Variants in PDE8B observed in about 807,000 individuals in gnomAD.
PDE8B encodes the protein high affinity cAMP-specific and IBMX-insensitive 3',5'-cyclic phosphodiesterase 8B.
A neutral mutation model predicts 101.3 loss-of-function variants in PDE8B; 26 were observed. The observed-to-expected ratio is 0.26, with a 90% CI of 0.19 to 0.36. PDE8B has a LOEUF of 0.36. Among genes scored for constraint, PDE8B ranks in the 10% least tolerant of loss-of-function variants. The probability of loss-of-function intolerance (pLI) is 1.00; values close to 1 mark genes in which losing one functional copy is unlikely to be tolerated. For synonymous variants in PDE8B, 424 were observed against 429.3 expected, an observed-to-expected ratio of 0.99 and a Z score of 0.15; for missense variants, 810 against 1,163.1, an observed-to-expected ratio of 0.70 and a Z score of 4.42.
intron 1 of PDE8B, among the ~76,000 whole-genome samples, chr5:77,220,449 G>C (rs1750861535): frequency 6.6e-6 from 1 of 152,184 alleles, no homozygotes; most frequent in African/African-American, 2.4e-5. Context: ...TCAAAGGTGA[G>C]AACTTTGAAT....
chr5:77,132,905 T>G, the PDE8B span, among the ~76,000 whole-genome samples: 2 of 152,242 alleles, frequency 1.3e-5, no homozygotes, highest in African/African-American at 4.8e-5. Context: ...TAGACGGATA[T>G]GGAATTCTAG....
At chr5:77,109,410 C>A in the PDE8B span, among the ~76,000 whole-genome samples, 7 of 152,166 alleles carry the variant, frequency 4.6e-5, no homozygotes, top group Non-Finnish European at 1.0e-4. Context: ...TAAAAATGTT[C>A]TAAAGTAAAA....
At chr5:77,356,137 A>G (rs1206383395) in intron 10 of PDE8B, among the ~76,000 whole-genome samples, 1 of 151,930 alleles carries the variant, frequency 6.6e-6, no homozygotes, top group Non-Finnish European at 1.5e-5. Context: ...GTCTGCCCTG[A>G]CCTCCCAGAA....
At chr5:77,140,299 C>T in the PDE8B span, 1 of 151,844 alleles carries the variant, frequency 6.6e-6, no homozygotes, top group Non-Finnish European at 1.5e-5. Context: ...TTGTTTTTGC[C>T]AACACTGTAG....
intron 6 of PDE8B, among the ~76,000 whole-genome samples, chr5:77,342,145 A>G (rs1005917822): frequency 6.6e-6 from 1 of 152,130 alleles, no homozygotes; most frequent in African/African-American, 2.4e-5. Flanking sequence ...GTTACGATTC[A>G]TTTTTTTCAC....
intron 1 of PDE8B, among the ~76,000 whole-genome samples, chr5:77,289,189 G>C (rs1766727798): frequency 2.0e-5 from 3 of 152,128 alleles, no homozygotes; most frequent in Admixed American, 2.0e-4. Flanking sequence ...TCTCTAAAAG[G>C]TTTTGAAACG....
chr5:77,385,063 T>A (rs1040492288), intron 10 of PDE8B, among the ~76,000 whole-genome samples: 1 of 152,220 alleles, frequency 6.6e-6, no homozygotes, highest in Non-Finnish European at 1.5e-5. Flanking sequence ...AGCTCCTCTT[T>A]GTACCTTTGG....
chr5:77,425,296 C>T lies in PDE8B; in HGVS notation c.2419-471C>T, dbSNP rs559400149. ...AGGCTTGGGGCCAGGCACAGTGGCT[C>T]GTGCCTATAATCCCAGCACTTTGGG... On this transcript the variant is annotated intron_variant, in intron 20 of 21. Transcript: ENST00000264917. Among the ~76,000 whole-genome samples, 8 of 152,286 alleles carry T rather than the reference C, an allele frequency of 5.3e-5. No individual in the cohort carries two copies. The East Asian group carries it at 9.7e-4, about 18-fold the overall frequency.
intron 1 of PDE8B, among the ~76,000 whole-genome samples, chr5:77,297,332 C>G (rs1056255763): frequency 2.0e-5 from 3 of 152,196 alleles, no homozygotes; most frequent in African/African-American, 7.2e-5. Context: ...CACCCCTCAC[C>G]ACTACTCCTA....
At chr5:77,165,904 G>A in the PDE8B span, among the ~76,000 whole-genome samples, 16 of 151,296 alleles carry the variant, frequency 1.1e-4, no homozygotes, top group Non-Finnish European at 1.9e-4. Context: ...TACCTGGGAG[G>A]CTGAGGCAGA....
chr5:77,345,769 C>A (rs1188888058), intron 7 of PDE8B, among the ~76,000 whole-genome samples: 1 of 152,148 alleles, frequency 6.6e-6, no homozygotes, highest in Non-Finnish European at 1.5e-5. Flanking sequence ...TGCTTGCCTG[C>A]CTGCTGTTGG....
At chr5:77,349,584 C>T (rs755410425) in intron 8 of PDE8B, 25 bp downstream of exon 8, 2 of 1,613,774 alleles carry the variant, frequency 1.2e-6, no homozygotes, top group Non-Finnish European at 1.7e-6. Context: ...CAAAACCAAT[C>T]CACGAACCCT....
chr5:77,322,839 AAG>A (rs60183323), intron 2 of PDE8B, among the ~76,000 whole-genome samples: 19,255 of 152,170 alleles, frequency 0.13, 1,375 homozygotes, highest in East Asian at 0.29. Context: ...CTACAATGCA[AAG>A]AGTCTTTATT....
intron 19 of PDE8B, 27 bp downstream of exon 19, chr5:77,419,914 G>T: frequency 6.2e-7 from 1 of 1,612,942 alleles, no homozygotes; most frequent in Non-Finnish European, 8.5e-7. Flanking sequence ...ATGCCATAAG[G>T]CACATCCAAG....
intron 10 of PDE8B, among the ~76,000 whole-genome samples, chr5:77,378,084 T>C (rs536024260): frequency 4.0e-5 from 6 of 151,112 alleles, no homozygotes; most frequent in African/African-American, 7.4e-5. Context: ...AATGCTAATA[T>C]AGCAGGTGTT....
chr5:77,130,546 A>G, the PDE8B span, among the ~76,000 whole-genome samples: 1 of 152,182 alleles, frequency 6.6e-6, no homozygotes, highest in Non-Finnish European at 1.5e-5. Context: ...CAACCTTATG[A>G]AATAGGCACT....
chr5:77,247,788 G>A (rs1169773334), intron 1 of PDE8B, among the ~76,000 whole-genome samples: 1 of 152,094 alleles, frequency 6.6e-6, no homozygotes, highest in Admixed American at 6.5e-5. Context: ...CAAGAGAGGT[G>A]GAAATCATGT....
At chr5:77,205,169 T>C in the PDE8B span, among the ~76,000 whole-genome samples, 15,414 of 152,122 alleles carry the variant, frequency 0.1, 1,275 homozygotes, top group East Asian at 0.45. Flanking sequence ...AGTTTCATGA[T>C]GTTGACCTAA....
At position 77,419,997 on chromosome 5, in the gene PDE8B, T is replaced by C. The variant is rs1334513559; in HGVS notation, c.2250+110T>C. 3.9e-6 allele frequency: 5 copies of C among 1,296,590 alleles called. No homozygotes were observed. The African/African-American group carries it at 7.3e-5, about 19-fold the overall frequency. 80.3% of individuals were successfully genotyped at this position (1,296,590 alleles called of 1,614,324 possible). ...ACTCAAATGTAAGGTGGTTATTTAC[T>C]TGGAGTTGATAAAGGGCTGAAAGGA... On this transcript the variant is annotated intron_variant, in intron 19 of 21. Transcript: ENST00000264917.
Sources: gnomAD v4.1 joint callset for allele counts (sites outside exome capture counted in the v4.1 genomes callset) on GRCh38, gnomAD v4.1.1 for gene constraint, MANE v1.5 for transcripts, NCBI Gene and HGNC (gene_info 2026-07-23, HGNC 2026-07-21) for gene names.